CNTN5: variants seen among roughly 807,000 people sequenced by gnomAD.
The protein encoded by CNTN5 is contactin 5.
CNTN5 carries 77 observed loss-of-function variants against 129.1 expected under a neutral mutation model. The observed-to-expected ratio is 0.60, with a 90% CI of 0.50 to 0.72. CNTN5 has a LOEUF of 0.72. CNTN5 is among the 30% of genes least tolerant of loss of function. CNTN5 has a pLI of 0.00. For synonymous variants in CNTN5, 509 were observed against 465.6 expected, an observed-to-expected ratio of 1.09 and a Z score of -1.20; for missense variants, 1,478 against 1,328.8, an observed-to-expected ratio of 1.11 and a Z score of -1.75.
chr11:100,101,113 G>T (rs1945207905), intron 13 of CNTN5, among the ~76,000 whole-genome samples: 1 of 152,080 alleles, frequency 6.6e-6, no homozygotes, highest in African/African-American at 2.4e-5. Flanking sequence ...GTATGTTCCT[G>T]TAATAGTGAG....
At position 99,651,882 on chromosome 11, in the gene CNTN5, A is replaced by T. The variant is rs929936507; in HGVS notation, c.55+95613A>T. ...ATAAGAATTACAGAAAATGGATAAG[A>T]TTTCATATAAAGATTTGAAAAAAAA... On this transcript the variant is annotated intron_variant, in intron 3 of 24. Transcript: ENST00000524871. 1.3e-5 allele frequency among the ~76,000 whole-genome samples: 2 copies of T among 152,040 alleles called. 1 individual carries two copies. Among genetic ancestry groups the T allele is most frequent in the Admixed American group, 1.3e-4 (2 of 15,226 alleles).
intron 13 of CNTN5, among the ~76,000 whole-genome samples, chr11:100,081,299 T>C (rs1191042896): frequency 2.6e-5 from 4 of 152,162 alleles, no homozygotes; most frequent in Non-Finnish European, 5.9e-5. Context: ...CTGGGAGGAA[T>C]CACCGTTTCA....
intron 18 of CNTN5, among the ~76,000 whole-genome samples, chr11:100,278,934 T>G (rs1950573774): frequency 6.6e-6 from 1 of 152,014 alleles, no homozygotes; most frequent in Non-Finnish European, 1.5e-5. Context: ...TAATACTAGC[T>G]GTGAGTTCAT....
chr11:99,286,859 G>T (rs936051355), intron 1 of CNTN5, among the ~76,000 whole-genome samples: 7 of 152,076 alleles, frequency 4.6e-5, no homozygotes, highest in Non-Finnish European at 1.5e-5. Flanking sequence ...TACTACTCTT[G>T]AACAATTTAA....
chr11:99,536,022 T>C (rs1947887729), intron 2 of CNTN5, among the ~76,000 whole-genome samples: 1 of 152,160 alleles, frequency 6.6e-6, no homozygotes, highest in Non-Finnish European at 1.5e-5. Flanking sequence ...AACTATTTAA[T>C]AGGTCAGATG....
At chr11:100,008,967 G>A (rs749971146) in intron 9 of CNTN5, among the ~76,000 whole-genome samples, 27 of 151,974 alleles carry the variant, frequency 1.8e-4, no homozygotes, top group African/African-American at 5.8e-4. Context: ...TACTTAGAGC[G>A]TGCATATTAG....
chr11:99,863,178 C>T (rs965295772), intron 6 of CNTN5, among the ~76,000 whole-genome samples: 4 of 151,998 alleles, frequency 2.6e-5, no homozygotes, highest in Non-Finnish European at 5.9e-5. Flanking sequence ...ATAGAAAATA[C>T]GTGAGTTGCT....
chr11:99,958,228 A>T (rs1950853962), intron 8 of CNTN5, among the ~76,000 whole-genome samples: 1 of 152,224 alleles, frequency 6.6e-6, no homozygotes, highest in African/African-American at 2.4e-5. Context: ...ACTGAACAAA[A>T]GCAGTGATGG....
At chr11:99,714,420 C>T (rs1359846136) in intron 3 of CNTN5, among the ~76,000 whole-genome samples, 1 of 151,868 alleles carries the variant, frequency 6.6e-6, no homozygotes. Context: ...GTAGGACCAT[C>T]CTCATCATCT....
At chr11:99,343,857 G>A (rs1273257983) in intron 2 of CNTN5, among the ~76,000 whole-genome samples, 1 of 152,066 alleles carries the variant, frequency 6.6e-6, no homozygotes, top group African/African-American at 2.4e-5. Flanking sequence ...GCAAGTAAAT[G>A]TGTAATTACA....
intron 3 of CNTN5, among the ~76,000 whole-genome samples, chr11:99,769,291 C>A (rs1425521705): frequency 1.3e-5 from 2 of 152,078 alleles, no homozygotes; most frequent in African/African-American, 4.8e-5. Flanking sequence ...ATGTACTATT[C>A]TTTAAGGATT....
intron 1 of CNTN5, among the ~76,000 whole-genome samples, chr11:99,137,805 T>C (rs536271665): frequency 8.0e-6 from 1 of 124,380 alleles, no homozygotes; most frequent in East Asian, 2.5e-4. Context: ...TAAGTATACA[T>C]CAATCTGCCA....
At chr11:99,511,050 GT>G (rs1312247411) in intron 2 of CNTN5, among the ~76,000 whole-genome samples, 1 of 151,888 alleles carries the variant, frequency 6.6e-6, no homozygotes, top group Non-Finnish European at 1.5e-5. Context: ...TTATGTTTTA[GT>G]TTTTAATTTA....
chr11:100,051,872 T>C (rs74372944), intron 9 of CNTN5, among the ~76,000 whole-genome samples: 1 of 151,788 alleles, frequency 6.6e-6, no homozygotes, highest in African/African-American at 2.4e-5. Flanking sequence ...AATAAATAAT[T>C]CTTATAACTG....
intron 2 of CNTN5, among the ~76,000 whole-genome samples, chr11:99,535,510 A>T (rs1392934687): frequency 2.0e-5 from 3 of 152,154 alleles, no homozygotes; most frequent in African/African-American, 7.2e-5. Context: ...CTTGGATCCC[A>T]TTAGAATCAC....
chr11:99,972,005 T>A (rs2137308655), intron 8 of CNTN5, among the ~76,000 whole-genome samples: 1 of 146,736 alleles, frequency 6.8e-6, no homozygotes, highest in South Asian at 2.1e-4. Context: ...ATCCCAGCAC[T>A]TTGGGAGGCT....
intron 3 of CNTN5, among the ~76,000 whole-genome samples, chr11:99,723,270 GT>G (rs1381143187): frequency 1.3e-5 from 2 of 151,732 alleles, no homozygotes; most frequent in Admixed American, 1.3e-4. Flanking sequence ...TTCTTCCATG[GT>G]TCCTCTCGGA....
At chr11:99,623,663 T>A (rs1184067321) in intron 3 of CNTN5, among the ~76,000 whole-genome samples, 1 of 148,738 alleles carries the variant, frequency 6.7e-6, no homozygotes, top group Non-Finnish European at 1.5e-5. Context: ...AAGGGAGGCA[T>A]AGTTCCATAA....
At chr11:99,289,173 G>A (rs888524221) in intron 1 of CNTN5, among the ~76,000 whole-genome samples, 8 of 151,860 alleles carry the variant, frequency 5.3e-5, no homozygotes, top group Non-Finnish European at 1.2e-4. Context: ...ATATTGTCTG[G>A]ACTAATAAAG....
Sources: allele counts gnomAD v4.1 joint callset (sites outside exome capture counted in the v4.1 genomes callset), GRCh38; gene constraint gnomAD v4.1.1; transcripts MANE v1.5; gene names NCBI Gene and HGNC (gene_info 2026-07-23, HGNC 2026-07-21).